MIS18A: variants seen among roughly 807,000 people sequenced by gnomAD.
MIS18A encodes protein Mis18-alpha.
MIS18A carries 14 observed loss-of-function variants against 25.0 expected under a neutral mutation model. The observed-to-expected ratio is 0.56, with a 90% CI of 0.37 to 0.88. The LOEUF (loss-of-function observed/expected upper bound fraction) is 0.88, where lower values mean the gene tolerates loss of function less well. Among genes scored for constraint, MIS18A ranks in the 40% least tolerant of loss-of-function variants. MIS18A has a pLI of 0.00. For synonymous variants in MIS18A, 134 were observed against 118.6 expected (o/e 1.13, Z -0.84); for missense variants, 292 against 290.8 (o/e 1.00, Z -0.03).
In MIS18A at chr21:32,269,703, T is replaced by A; in HGVS notation, c.621+4A>T. ...AAGATATAAAATGTACAGAATAAAATTACCTGTGTTAGAGACTTTTCTATT... is the reference window on the plus strand; with the variant it reads ...AAGATATAAAATGTACAGAATAAAAATACCTGTGTTAGAGACTTTTCTATT... On this transcript the variant is annotated splice_donor_region_variant and intron_variant, in intron 4 of 4. Transcript: ENST00000290130. The A allele has an allele frequency of 6.6e-7, 1 of 1,514,940 alleles. No homozygotes were observed. Among genetic ancestry groups the A allele is most frequent in the Non-Finnish European group, 9.2e-7 (1 of 1,090,468 alleles). The allele number at this position is 1,514,940 out of a possible 1,614,324, so 93.8% of individuals were successfully genotyped here.
the MIS18A span, among the ~76,000 whole-genome samples, chr21:32,186,721 C>G: frequency 1.3e-5 from 2 of 152,158 alleles, no homozygotes; most frequent in African/African-American, 4.8e-5. Context: ...GTACCATTCA[C>G]ACGAGCAAAA....
At chr21:32,161,165 T>C in the MIS18A span, among the ~76,000 whole-genome samples, 6 of 152,232 alleles carry the variant, frequency 3.9e-5, no homozygotes, top group African/African-American at 1.4e-4. Flanking sequence ...ATTATTAAAG[T>C]TCATACTTTA....
At chr21:32,173,594 G>C in the MIS18A span, among the ~76,000 whole-genome samples, 1 of 152,152 alleles carries the variant, frequency 6.6e-6, no homozygotes, top group Admixed American at 6.5e-5. Flanking sequence ...ACATACTCTG[G>C]AATGTGATTT....
At chr21:32,216,994 C>G in the MIS18A span, among the ~76,000 whole-genome samples, 1 of 151,882 alleles carries the variant, frequency 6.6e-6, no homozygotes, top group Admixed American at 6.6e-5. Flanking sequence ...AAGAACAAAC[C>G]CTGGAGAGGG....
At chr21:32,255,833 G>A in the MIS18A span, among the ~76,000 whole-genome samples, 1 of 151,530 alleles carries the variant, frequency 6.6e-6, no homozygotes, top group Non-Finnish European at 1.5e-5. Context: ...AGAGCTTGCA[G>A]AGAGCCAAGA....
downstream of MIS18A, among the ~76,000 whole-genome samples, chr21:32,266,990 ACACG>A (rs1475825997): frequency 5.3e-5 from 8 of 151,232 alleles, no homozygotes; most frequent in Non-Finnish European, 7.4e-5. Flanking sequence ...ACACACACAC[ACACG>A]TTCTGATGAG....
At chr21:32,273,106 A>G (rs1427393435) in intron 2 of MIS18A, among the ~76,000 whole-genome samples, 1 of 150,002 alleles carries the variant, frequency 6.7e-6, no homozygotes, top group Non-Finnish European at 1.5e-5. Flanking sequence ...AAATGGAGAA[A>G]CTTTTTTTCT....
chr21:32,271,491 T>C (rs1203753704), intron 2 of MIS18A, among the ~76,000 whole-genome samples: 1 of 152,200 alleles, frequency 6.6e-6, no homozygotes, highest in African/African-American at 2.4e-5. Context: ...CAGCAACATA[T>C]GGAACAAAGA....
the MIS18A span, among the ~76,000 whole-genome samples, chr21:32,185,594 A>G: frequency 6.6e-6 from 1 of 152,162 alleles, no homozygotes; most frequent in East Asian, 1.9e-4. Flanking sequence ...ATTCTCAATT[A>G]GTGTAGAACC....
the MIS18A span, among the ~76,000 whole-genome samples, chr21:32,207,688 T>G: frequency 6.7e-6 from 1 of 148,286 alleles, no homozygotes; most frequent in East Asian, 2.0e-4. Flanking sequence ...TTTCTTTTTC[T>G]TTTTTTTTTG....
chr21:32,226,897 C>T, the MIS18A span, among the ~76,000 whole-genome samples: 5 of 152,074 alleles, frequency 3.3e-5, no homozygotes, highest in Admixed American at 3.3e-4. Flanking sequence ...GTTCTCCAAC[C>T]ATAATGAAAT....
At chr21:32,273,660 T>C (rs574666671) in intron 2 of MIS18A, among the ~76,000 whole-genome samples, 1 of 152,290 alleles carries the variant, frequency 6.6e-6, no homozygotes, top group African/African-American at 2.4e-5. Flanking sequence ...TGGTAGCTCC[T>C]AATGTGATGG....
At chr21:32,202,509 T>C in the MIS18A span, among the ~76,000 whole-genome samples, 2 of 152,206 alleles carry the variant, frequency 1.3e-5, no homozygotes, top group Non-Finnish European at 2.9e-5. Context: ...ATCTTAACCA[T>C]TTCTAAGTGT....
At position 32,278,898 on chromosome 21, in the gene MIS18A, C is replaced by G. The variant is rs764377918; in HGVS notation, c.117G>C (p.Ser39=). ...ACTTCTGCAACAGCTGGTGGCGGCTCGAGTCTTCGGAGAGTCTCTTGCCCA... is the reference window on the plus strand; with the variant it reads ...ACTTCTGCAACAGCTGGTGGCGGCTGGAGTCTTCGGAGAGTCTCTTGCCCA... ...SLLGKRLSED[S]SRHQLLQKWA... Residue 39 remains serine, a synonymous_variant, in exon 1 of 5, where the codon TCG becomes TCC. Coordinates refer to ENST00000290130, the MANE Select transcript of MIS18A (RefSeq NM_018944.3). 6 of 1,613,348 alleles carry G rather than the reference C, an allele frequency of 3.7e-6. No individual in the cohort carries two copies. The highest frequency in any genetic ancestry group is 3.3e-4 in the Middle Eastern group (2 of 6,082).
chr21:32,223,427 T>TA, the MIS18A span, among the ~76,000 whole-genome samples: 1 of 151,628 alleles, frequency 6.6e-6, no homozygotes, highest in Admixed American at 6.6e-5. Flanking sequence ...ATAGACACAA[T>TA]AAAAAATGAC....
downstream of MIS18A, among the ~76,000 whole-genome samples, chr21:32,265,551 C>T (rs1482513906): frequency 6.6e-6 from 1 of 152,228 alleles, no homozygotes; most frequent in Admixed American, 6.5e-5. Flanking sequence ...TCTCGCCAGG[C>T]CTTAGCTGCC....
the MIS18A span, among the ~76,000 whole-genome samples, chr21:32,204,313 A>T: frequency 2.6e-5 from 4 of 151,992 alleles, no homozygotes; most frequent in African/African-American, 9.7e-5. Context: ...CCTGGCCAAG[A>T]TCATGAAACC....
chr21:32,241,374 A>G, the MIS18A span, among the ~76,000 whole-genome samples: 1 of 151,434 alleles, frequency 6.6e-6, no homozygotes, highest in African/African-American at 2.4e-5. Context: ...ACAATAAAAA[A>G]AAAAAAAAAA....
chr21:32,223,135 A>G, the MIS18A span, among the ~76,000 whole-genome samples: 2 of 152,280 alleles, frequency 1.3e-5, no homozygotes, highest in African/African-American at 2.4e-5. Context: ...CAGTGTTTAG[A>G]GGGAAATTTA....
Sources: allele counts gnomAD v4.1 joint callset (sites outside exome capture counted in the v4.1 genomes callset), GRCh38; gene constraint gnomAD v4.1.1; transcripts MANE v1.5; gene names NCBI Gene and HGNC (gene_info 2026-07-23, HGNC 2026-07-21).